CLMP: variants seen among roughly 807,000 people sequenced by gnomAD.
The protein encoded by CLMP is CXADR like cell adhesion molecule, also known as CXADR-like membrane protein.
Under a neutral mutation model 45.2 loss-of-function variants are expected in CLMP, and 27 were observed. The ratio of observed to expected loss-of-function variants is 0.60; its 90% CI spans 0.44 to 0.82. CLMP has a LOEUF of 0.82. CLMP is among the 40% of genes least tolerant of loss of function. The probability of loss-of-function intolerance (pLI) is 0.00; values close to 1 mark genes in which losing one functional copy is unlikely to be tolerated. For missense variants in CLMP, 403 were observed against 448.4 expected, an observed-to-expected ratio of 0.90 and a Z score of 0.91; for synonymous variants, 167 against 171.4, an observed-to-expected ratio of 0.97 and a Z score of 0.20.
At chr11:123,157,153 A>C (rs190457758) in intron 1 of CLMP, among the ~76,000 whole-genome samples, 1 of 152,332 alleles carries the variant, frequency 6.6e-6, no homozygotes, top group Non-Finnish European at 1.5e-5. Flanking sequence ...GAGTAGTTTT[A>C]GGACATCAGA....
chr11:123,188,624 A>C (rs1347875725), intron 1 of CLMP, among the ~76,000 whole-genome samples: 2 of 152,168 alleles, frequency 1.3e-5, no homozygotes, highest in Non-Finnish European at 1.5e-5. Flanking sequence ...GGCACAAAGG[A>C]AACAGCTTTC....
intron 1 of CLMP, chr11:123,136,142 T>G: frequency 1.6e-6 from 1 of 626,848 alleles, no homozygotes; most frequent in South Asian, 1.4e-5. Context: ...GGCAAGAAAG[T>G]CACCACCTAC....
chr11:123,139,103 C>A (rs1019099002), intron 1 of CLMP, among the ~76,000 whole-genome samples: 3 of 152,090 alleles, frequency 2.0e-5, no homozygotes, highest in Non-Finnish European at 4.4e-5. Flanking sequence ...TGGTGTATGG[C>A]GGCTTTCACA....
intron 5 of CLMP, 116 bp downstream of exon 5, chr11:123,082,969 G>A: frequency 8.0e-7 from 1 of 1,247,550 alleles, no homozygotes; most frequent in Non-Finnish European, 1.1e-6. Flanking sequence ...ATATCCTTCT[G>A]GAGATAAAGA....
At chr11:123,099,017 C>A (rs1033238782) in intron 1 of CLMP, among the ~76,000 whole-genome samples, 9 of 152,054 alleles carry the variant, frequency 5.9e-5, no homozygotes, top group African/African-American at 2.2e-4. Flanking sequence ...TTTGTAGAGA[C>A]AGGGTCTTGC....
chr11:123,158,074 GTAC>G (rs1291008671), intron 1 of CLMP, among the ~76,000 whole-genome samples: 4 of 152,096 alleles, frequency 2.6e-5, no homozygotes, highest in African/African-American at 7.2e-5. Context: ...AAAGTACTCT[GTAC>G]TGCTTCACTC....
intron 1 of CLMP, among the ~76,000 whole-genome samples, chr11:123,150,010 G>A (rs1248570341): frequency 2.0e-5 from 3 of 151,684 alleles, no homozygotes; most frequent in Non-Finnish European, 4.4e-5. Context: ...TCACTATGTT[G>A]GCCAGGCTGG....
chr11:123,180,302 T>C (rs1403973388), intron 1 of CLMP, among the ~76,000 whole-genome samples: 1 of 152,214 alleles, frequency 6.6e-6, no homozygotes, highest in African/African-American at 2.4e-5. Flanking sequence ...AAAGCTCATA[T>C]GTTGAAATCC....
chr11:123,082,552 C>T (rs985656915), intron 5 of CLMP, among the ~76,000 whole-genome samples: 6 of 151,760 alleles, frequency 4.0e-5, no homozygotes, highest in African/African-American at 7.3e-5. Flanking sequence ...CTGCCTGCCT[C>T]GGCCTCCCGA....
At chr11:123,188,210 T>C (rs536530726) in intron 1 of CLMP, among the ~76,000 whole-genome samples, 22 of 152,154 alleles carry the variant, frequency 1.4e-4, no homozygotes, top group Non-Finnish European at 2.9e-4. Context: ...ACCCGCTCTG[T>C]AATTGTTTTG....
At chr11:123,158,004 T>C (rs979733921) in intron 1 of CLMP, among the ~76,000 whole-genome samples, 3 of 152,166 alleles carry the variant, frequency 2.0e-5, no homozygotes, top group Non-Finnish European at 2.9e-5. Flanking sequence ...CATTCTCTTC[T>C]GCACAAAACC....
chr11:123,075,036 A>G (rs1591447180), intron 5 of CLMP, among the ~76,000 whole-genome samples, 193 bp from the exon 6 acceptor site: 1 of 151,608 alleles, frequency 6.6e-6, no homozygotes. Context: ...GCTCATCGCA[A>G]CCTCCACCTC....
intron 1 of CLMP, among the ~76,000 whole-genome samples, chr11:123,176,285 C>T (rs918003033): frequency 3.3e-5 from 5 of 151,826 alleles, no homozygotes; most frequent in Admixed American, 1.3e-4. Flanking sequence ...GATTTTGTGC[C>T]CAAGTTTATT....
intron 1 of CLMP, among the ~76,000 whole-genome samples, chr11:123,124,021 G>A (rs1860856268): frequency 6.6e-6 from 1 of 152,126 alleles, no homozygotes; most frequent in Admixed American, 6.6e-5. Flanking sequence ...GAGAAAAGGA[G>A]CAGTGAGGAG....
intron 2 of CLMP, among the ~76,000 whole-genome samples, chr11:123,091,728 T>C (rs551915776): frequency 6.6e-6 from 1 of 152,228 alleles, no homozygotes; most frequent in Non-Finnish European, 1.5e-5. Context: ...ACTGGAGTGC[T>C]GTGCAGGCCT....
Position 123,071,469 on chromosome 11 carries a change from T to C in CLMP, c.*2005A>G, listed in dbSNP as rs1014311808. 2 of 151,908 alleles carry C rather than the reference T, an allele frequency of 1.3e-5. No homozygotes were observed. The highest frequency in any genetic ancestry group is 4.8e-5 in the African/African-American group (2 of 41,328). 9.4% of individuals were successfully genotyped at this position (151,908 alleles called of 1,614,324 possible). On this transcript the variant is annotated 3_prime_UTR_variant, in exon 7 of 7. Transcript: ENST00000448775. ...AGTATTCTGAGCCAGGTGCAGTGGC[T>C]TCCAGCACTGTGGGAGGCCAAGGGT... is the stretch of plus-strand genomic sequence containing the variant.
chr11:123,105,008 T>G (rs2135486086), intron 1 of CLMP, among the ~76,000 whole-genome samples: 1 of 152,324 alleles, frequency 6.6e-6, no homozygotes, highest in Non-Finnish European at 1.5e-5. Flanking sequence ...TGGTAAGGAC[T>G]GCCTCCTTAG....
chr11:123,076,449 A>G (rs1006825967), intron 5 of CLMP, among the ~76,000 whole-genome samples: 2 of 152,232 alleles, frequency 1.3e-5, no homozygotes, highest in Non-Finnish European at 2.9e-5. Flanking sequence ...AGATAATTTC[A>G]GATAATGGAT....
chr11:123,180,973 T>G (rs1308779519), intron 1 of CLMP, among the ~76,000 whole-genome samples: 1 of 152,140 alleles, frequency 6.6e-6, no homozygotes. Context: ...GCAAGCAGAC[T>G]GGGGGCCCGG....
Sources: gnomAD v4.1 joint callset for allele counts (sites outside exome capture counted in the v4.1 genomes callset) on GRCh38, gnomAD v4.1.1 for gene constraint, MANE v1.5 for transcripts, NCBI Gene and HGNC (gene_info 2026-07-23, HGNC 2026-07-21) for gene names.